The following FIG4 variants were observed in gnomAD, a reference collection of about 807,000 sequenced individuals.
FIG4 encodes polyphosphoinositide phosphatase.
In FIG4, 112 loss-of-function variants were observed where a neutral mutation model predicts 118.6. The observed-to-expected ratio is 0.94, with a 90% CI of 0.81 to 1.11. FIG4 has a LOEUF of 1.11. FIG4 is among the 50% of genes least tolerant of loss of function. The pLI is 0.00. For missense variants in FIG4, 969 were observed against 1,111.7 expected (o/e 0.87, Z 1.83); for synonymous variants, 369 against 381.2 (o/e 0.97, Z 0.37).
chr6:109,776,246 A>G (rs1034763469), intron 15 of FIG4, among the ~76,000 whole-genome samples: 3 of 152,222 alleles, frequency 2.0e-5, no homozygotes, highest in Non-Finnish European at 4.4e-5. Flanking sequence ...CAGTTTTGTT[A>G]CTTCATAGTA....
chr6:109,810,992 C>G (rs1426148811), intron 22 of FIG4, among the ~76,000 whole-genome samples: 2 of 152,022 alleles, frequency 1.3e-5, no homozygotes, highest in African/African-American at 2.4e-5. Flanking sequence ...TGTTGTAGTT[C>G]CCAGATAAGA....
chr6:109,736,284 TG>T (rs1263051916), intron 6 of FIG4, among the ~76,000 whole-genome samples: 1 of 152,166 alleles, frequency 6.6e-6, no homozygotes, highest in Non-Finnish European at 1.5e-5. Context: ...GTTCTGTTAA[TG>T]GTTTGCCAAA....
At chr6:109,703,109 T>A (rs1003216078) in intron 1 of FIG4, among the ~76,000 whole-genome samples, 3 of 152,048 alleles carry the variant, frequency 2.0e-5, no homozygotes, top group African/African-American at 7.2e-5. Flanking sequence ...ATTTTTTTTT[T>A]AAGCCCATGA....
At position 109,825,254 on chromosome 6, in the gene FIG4, C is replaced by T. The variant is rs754970037; in HGVS notation, c.2713C>T (p.Arg905Cys). 7.4e-6 allele frequency: 12 copies of T among 1,614,006 alleles called. No individual in the cohort carries two copies. Among genetic ancestry groups the T allele is most frequent in the Non-Finnish European group, 8.5e-6 (10 of 1,179,948 alleles). The change falls in exon 23 of 23, where the codon CGC becomes TGC. Residue 905 changes from arginine (R) to cysteine (C), a missense_variant. Around this residue, in one of 3 missense-constraint regions of FIG4, gnomAD observed 330 missense variants for 348.1 expected, o/e 0.95. Coordinates refer to ENST00000230124, the MANE Select transcript of FIG4 (RefSeq NM_014845.6). ...SSMYREYIRN[R>C]YL ...CATGTACCGAGAGTACATCAGGAACCGCTACCTGTGAAAAGAGCGCAGGTC... is the reference window on the plus strand; with the variant it reads ...CATGTACCGAGAGTACATCAGGAACTGCTACCTGTGAAAAGAGCGCAGGTC...
chr6:109,753,767 T>C (rs2128389387), intron 10 of FIG4, among the ~76,000 whole-genome samples: 1 of 152,254 alleles, frequency 6.6e-6, no homozygotes, highest in South Asian at 2.1e-4. Flanking sequence ...TAAGAATGCT[T>C]GTGATTTTTG....
At chr6:109,769,065 G>A (rs1238241833) in intron 15 of FIG4, among the ~76,000 whole-genome samples, 1 of 150,984 alleles carries the variant, frequency 6.6e-6, no homozygotes, top group African/African-American at 2.4e-5. Flanking sequence ...CGTTGTCCCT[G>A]TAATAGGGGT....
chr6:109,760,136 T>A, intron 10 of FIG4, 114 bp from the exon 11 acceptor site: 1 of 778,866 alleles, frequency 1.3e-6, no homozygotes. Flanking sequence ...TTCATTTTAG[T>A]ATATTTAAGA....
At chr6:109,753,302 A>G (rs1428994578) in intron 10 of FIG4, among the ~76,000 whole-genome samples, 1 of 151,762 alleles carries the variant, frequency 6.6e-6, no homozygotes, top group African/African-American at 2.4e-5. Context: ...ATTGATCTAT[A>G]TCTCTGTTTT....
intron 13 of FIG4, 119 bp from the exon 14 acceptor site, chr6:109,764,893 CT>C (rs960645722): frequency 8.8e-6 from 6 of 680,912 alleles, no homozygotes; most frequent in Non-Finnish European, 1.5e-5. Flanking sequence ...TGCCCACAGA[CT>C]TTTTTTGTTT....
At chr6:109,820,438 T>C (rs1397769476) in intron 22 of FIG4, among the ~76,000 whole-genome samples, 2 of 152,260 alleles carry the variant, frequency 1.3e-5, no homozygotes, top group Non-Finnish European at 2.9e-5. Flanking sequence ...ATCACTCAGA[T>C]AGCCAGTCCA....
At chr6:109,724,878 C>T (rs192045655) in intron 3 of FIG4, among the ~76,000 whole-genome samples, 10 of 146,750 alleles carry the variant, frequency 6.8e-5, no homozygotes, top group Admixed American at 2.1e-4. Context: ...CAGAATTTAC[C>T]GTCACAATCA....
chr6:109,754,876 CA>C (rs1776833874), intron 10 of FIG4, among the ~76,000 whole-genome samples: 4 of 151,988 alleles, frequency 2.6e-5, no homozygotes, highest in Admixed American at 2.6e-4. Flanking sequence ...TTGATCCTTT[CA>C]AAAAACCAGC....
At chr6:109,755,957 G>A (rs141678120) in intron 10 of FIG4, among the ~76,000 whole-genome samples, 6,332 of 152,270 alleles carry the variant, frequency 0.042, 173 homozygotes, top group South Asian at 0.084. Context: ...ATATTGTTAT[G>A]TGTGAATTTG....
chr6:109,702,575 C>T (rs989431107), intron 1 of FIG4, among the ~76,000 whole-genome samples: 3 of 152,168 alleles, frequency 2.0e-5, no homozygotes, highest in African/African-American at 7.2e-5. Context: ...TCGTAGGCAC[C>T]TACTTGCATG....
Position 109,777,059 on chromosome 6 carries a change from A to G in FIG4, c.1888A>G (p.Ser630Gly), listed in dbSNP as rs1444239754. ...NTMRLLPTRR[S>G]YTYWWTPEVI... ...CATGAGACTTTTGCCAACAAGAAGA[A>G]GGTATTTTTCTTCCTAGTCTGTAAT... The change falls in exon 16 of 23, where the codon AGT (serine) becomes GGT (glycine). Residue 630 changes from serine (S) to glycine (G), a missense_variant and splice_region_variant. Around this residue, in one of 3 missense-constraint regions of FIG4, gnomAD observed 330 missense variants for 348.1 expected, o/e 0.95. Coordinates refer to ENST00000230124, the MANE Select transcript of FIG4 (RefSeq NM_014845.6). 8.1e-6 allele frequency: 13 copies of G among 1,613,466 alleles called. No individual in the cohort carries two copies. The highest frequency in any genetic ancestry group is 1.1e-5 in the Non-Finnish European group (13 of 1,179,482).
chr6:109,804,288 G>T (rs753145358), intron 22 of FIG4, among the ~76,000 whole-genome samples: 2 of 152,090 alleles, frequency 1.3e-5, no homozygotes, highest in Non-Finnish European at 2.9e-5. Context: ...TCAGTTTTGT[G>T]TATGGAAGGT....
chr6:109,806,179 C>G (rs1778559455), intron 22 of FIG4, among the ~76,000 whole-genome samples: 1 of 152,244 alleles, frequency 6.6e-6, no homozygotes, highest in South Asian at 2.1e-4. Flanking sequence ...CATGCTATAA[C>G]AGAATCAGTT....
rs767406898 is a variant in FIG4 at position 109,776,844 on chromosome 6, A to G, written c.1751-78A>G. 5 of 1,169,916 alleles carry G rather than the reference A, an allele frequency of 4.3e-6. No individual in the cohort carries two copies. In the South Asian group the frequency reaches 4.9e-5, roughly 12 times the overall value. 72.5% of individuals were successfully genotyped at this position (1,169,916 alleles called of 1,614,324 possible). ...CTATAAATACTACTTTTGTACCACTATCCTCCTAAGAAAATATTCTCTTGA... is the reference window on the plus strand; with the variant it reads ...CTATAAATACTACTTTTGTACCACTGTCCTCCTAAGAAAATATTCTCTTGA... On this transcript the variant is annotated intron_variant, in intron 15 of 22. Coordinates refer to ENST00000230124, the MANE Select transcript of FIG4 (RefSeq NM_014845.6).
chr6:109,770,182 G>C (rs1044619027), intron 15 of FIG4, among the ~76,000 whole-genome samples: 3 of 152,074 alleles, frequency 2.0e-5, no homozygotes, highest in African/African-American at 7.2e-5. Context: ...AGATGTTAGG[G>C]AGAGCTTTTA....
Sources: gnomAD v4.1 joint callset for allele counts (sites outside exome capture counted in the v4.1 genomes callset) on GRCh38, gnomAD v4.1.1 for gene constraint, gnomAD v4.1.1 regional missense constraint, MANE v1.5 for transcripts, NCBI Gene and HGNC (gene_info 2026-07-23, HGNC 2026-07-21) for gene names.